The following VSTM2L variants were observed in gnomAD, a reference collection of about 807,000 sequenced individuals.
VSTM2L encodes V-set and transmembrane domain containing 2 like, also known as V-set and transmembrane domain-containing protein 2-like protein.
VSTM2L carries 9 observed loss-of-function variants against 19.9 expected under a neutral mutation model. The observed-to-expected ratio is 0.45, with a 90% CI of 0.27 to 0.79. VSTM2L has a LOEUF of 0.79. VSTM2L is among the 30% of genes least tolerant of loss of function. The pLI, the probability that VSTM2L is intolerant of heterozygous loss-of-function variation, is 0.15. For missense variants in VSTM2L, 286 were observed against 295.5 expected, an observed-to-expected ratio of 0.97 and a Z score of 0.24; for synonymous variants, 127 against 133.8, an observed-to-expected ratio of 0.95 and a Z score of 0.35.
At chr20:37,904,075 C>G (rs1392011548) in intron 1 of VSTM2L, among the ~76,000 whole-genome samples, 2 of 152,246 alleles carry the variant, frequency 1.3e-5, no homozygotes, top group Non-Finnish European at 2.9e-5. Flanking sequence ...CTCTTCCTCT[C>G]CACACCCAGC....
intron 1 of VSTM2L, among the ~76,000 whole-genome samples, chr20:37,920,808 GATGA>G (rs1237882571): frequency 6.6e-6 from 1 of 152,236 alleles, no homozygotes; most frequent in Non-Finnish European, 1.5e-5. Flanking sequence ...GAATGAACTG[GATGA>G]ATGAATGAAT....
chr20:37,932,636 C>T (rs554835958), intron 2 of VSTM2L, among the ~76,000 whole-genome samples: 45 of 152,258 alleles, frequency 3.0e-4, no homozygotes, highest in Non-Finnish European at 5.9e-4. Flanking sequence ...TAACCAACAA[C>T]ATACCCCCCA....
At chr20:37,918,601 T>G (rs1268877906) in intron 1 of VSTM2L, among the ~76,000 whole-genome samples, 1 of 152,204 alleles carries the variant, frequency 6.6e-6, no homozygotes, top group Non-Finnish European at 1.5e-5. Flanking sequence ...TAACCTGAAT[T>G]TATTTAAGTA....
chr20:37,921,904 G>A lies in VSTM2L; in HGVS notation c.122-9731G>A, dbSNP rs946957212. On this transcript the variant is annotated intron_variant, in intron 1 of 3. Transcript: ENST00000373461. Reference sequence around the variant, plus strand: ...GTCACCCAGGCTGGAGTGCAGTGGCGTGATCATAGCCCACTGCAGCCTTGA... The same window carrying A: ...GTCACCCAGGCTGGAGTGCAGTGGCATGATCATAGCCCACTGCAGCCTTGA... 1.2e-4 allele frequency among the ~76,000 whole-genome samples: 17 copies of A among 143,202 alleles called. No individual in the cohort carries two copies. The South Asian group carries it at 2.0e-3, about 17-fold the overall frequency. 93.9% of individuals were successfully genotyped at this position (143,202 alleles called of 152,430 possible).
chr20:37,926,200 T>C (rs2072878314), intron 1 of VSTM2L, among the ~76,000 whole-genome samples: 1 of 152,186 alleles, frequency 6.6e-6, no homozygotes, highest in South Asian at 2.1e-4. Context: ...TAGCTGAGAT[T>C]ACAGGTACCT....
chr20:37,916,929 A>G (rs2072821900), intron 1 of VSTM2L, among the ~76,000 whole-genome samples: 1 of 152,124 alleles, frequency 6.6e-6, no homozygotes. Context: ...GTGGGGAGTG[A>G]GGAGTTTCCT....
intron 1 of VSTM2L, among the ~76,000 whole-genome samples, chr20:37,908,443 G>A (rs1396104804): frequency 1.3e-5 from 2 of 152,224 alleles, no homozygotes; most frequent in African/African-American, 2.4e-5. Context: ...AGACCCAGGG[G>A]CAAGGGAGAA....
intron 3 of VSTM2L, among the ~76,000 whole-genome samples, chr20:37,941,049 C>T (rs568713640): frequency 1.3e-4 from 20 of 152,186 alleles, no homozygotes; most frequent in Non-Finnish European, 2.8e-4. Context: ...GAAAGCAAGA[C>T]ATCTGAGTAT....
At chr20:37,929,983 A>T (rs895696443) in intron 1 of VSTM2L, among the ~76,000 whole-genome samples, 1 of 152,162 alleles carries the variant, frequency 6.6e-6, no homozygotes, top group Non-Finnish European at 1.5e-5. Context: ...GCCCCACACC[A>T]TCCCTCGCAA....
chr20:37,940,376 T>C (rs1365493487), intron 3 of VSTM2L, among the ~76,000 whole-genome samples: 1 of 151,928 alleles, frequency 6.6e-6, no homozygotes, highest in Non-Finnish European at 1.5e-5. Context: ...GGGTCCCACC[T>C]CCGTGCCTCT....
At chr20:37,934,883 G>GA (rs2072930727) in intron 3 of VSTM2L, among the ~76,000 whole-genome samples, 1 of 152,182 alleles carries the variant, frequency 6.6e-6, no homozygotes, top group Admixed American at 6.5e-5. Flanking sequence ...GTTGGGGTCT[G>GA]AAAATTCAAG....
At chr20:37,922,419 T>C (rs2072856887) in intron 1 of VSTM2L, among the ~76,000 whole-genome samples, 1 of 152,204 alleles carries the variant, frequency 6.6e-6, no homozygotes, top group Non-Finnish European at 1.5e-5. Context: ...ACTGGAGGTT[T>C]CTGAGTAGGG....
At chr20:37,943,771 ACTGCTTAGTTATGTGGT>A (rs1347384606) in intron 3 of VSTM2L, among the ~76,000 whole-genome samples, 193 bp from the exon 4 acceptor site, 3 of 152,094 alleles carry the variant, frequency 2.0e-5, no homozygotes, top group Non-Finnish European at 2.9e-5. Flanking sequence ...GGAACCGGCC[ACTGCTTAGTTATGTGGT>A]CTGTTGGTGG....
intron 3 of VSTM2L, among the ~76,000 whole-genome samples, chr20:37,934,620 G>T (rs1266372751): frequency 6.6e-6 from 1 of 152,148 alleles, no homozygotes; most frequent in Non-Finnish European, 1.5e-5. Context: ...ACTTTTCAAG[G>T]ACTTGTAGGG....
At chr20:37,906,920 G>T (rs1288300056) in intron 1 of VSTM2L, among the ~76,000 whole-genome samples, 1 of 152,162 alleles carries the variant, frequency 6.6e-6, no homozygotes, top group African/African-American at 2.4e-5. Flanking sequence ...CTTGTCCAGG[G>T]GAGGGATCCA....
Position 37,910,327 on chromosome 20 carries a change from A to G in VSTM2L, c.121+6856A>G, listed in dbSNP as rs779973810. Among the ~76,000 whole-genome samples the G allele has an allele frequency of 3.7e-4, 56 of 152,246 alleles. 1 individual carries two copies. The highest frequency in any genetic ancestry group is 3.9e-4 in the Admixed American group (6 of 15,292). On this transcript the variant is annotated intron_variant, in intron 1 of 3. Transcript: ENST00000373461. ...CGTGGGCATGTCCGTGGGGATCCAC[A>G]GTGTGGACATGACTTGGAGACCCGG...
chr20:37,903,598 C>A (rs1314881259), intron 1 of VSTM2L, 127 bp downstream of exon 1: 1 of 1,284,862 alleles, frequency 7.8e-7, no homozygotes. Context: ...GCGCCCCCTG[C>A]CGGCGCGGTG....
intron 1 of VSTM2L, among the ~76,000 whole-genome samples, chr20:37,906,393 C>T (rs967686665): frequency 1.5e-4 from 23 of 152,092 alleles, no homozygotes; most frequent in African/African-American, 5.1e-4. Context: ...AGTAGGTGCT[C>T]AATAAACAGG....
At chr20:37,932,131 G>A (rs80239037) in intron 2 of VSTM2L, among the ~76,000 whole-genome samples, 2 of 152,220 alleles carry the variant, frequency 1.3e-5, no homozygotes, top group East Asian at 3.9e-4. Context: ...TTCAGGTTAT[G>A]GAGCAAGGTG....
Sources: gnomAD v4.1 joint callset for allele counts (sites outside exome capture counted in the v4.1 genomes callset) on GRCh38, gnomAD v4.1.1 for gene constraint, MANE v1.5 for transcripts, NCBI Gene and HGNC (gene_info 2026-07-23, HGNC 2026-07-21) for gene names.